CCDC171: variants seen among roughly 807,000 people sequenced by gnomAD.
CCDC171 encodes the protein coiled-coil domain containing 171.
A neutral mutation model predicts 168.2 loss-of-function variants in CCDC171; 177 were observed. That is an observed-to-expected ratio of 1.05 (90% CI 0.93 to 1.19). The LOEUF is 1.19. Ranked by LOEUF, CCDC171 falls within the 50% of genes most tolerant of loss-of-function variation. CCDC171 has a pLI of 0.00. For missense variants in CCDC171, 1,991 were observed against 1,539.0 expected (o/e 1.29, Z -4.91); for synonymous variants, 687 against 540.8 (o/e 1.27, Z -3.75).
chr9:15,756,722 CTG>C (rs2056141161), intron 18 of CCDC171, among the ~76,000 whole-genome samples: 1 of 152,246 alleles, frequency 6.6e-6, no homozygotes, highest in Non-Finnish European at 1.5e-5. Context: ...TCATCCTGAA[CTG>C]TACTCCCATA....
In CCDC171 at chr9:15,673,153, G is replaced by A. The variant is rs2049250155; in HGVS notation, c.1077-5605G>A. Among the ~76,000 whole-genome samples the A allele has an allele frequency of 2.6e-5, 4 of 152,046 alleles. No individual in the cohort carries two copies. In the South Asian group the frequency reaches 8.3e-4, roughly 32 times the overall value. On this transcript the variant is annotated intron_variant, in intron 9 of 25. Transcript: ENST00000380701. ...GAGTTCACTCATGAATTGGCTGTCT[G>A]TCTGTTATTGGTGTATAAGAATGCT...
the CCDC171 span, among the ~76,000 whole-genome samples, chr9:16,088,658 C>T: frequency 5.9e-5 from 9 of 151,984 alleles, no homozygotes; most frequent in Non-Finnish European, 8.8e-5. Flanking sequence ...TGACAAGGGA[C>T]GTGAAGGACT....
chr9:15,586,245 C>G (rs1159573078), intron 4 of CCDC171, among the ~76,000 whole-genome samples: 1 of 152,094 alleles, frequency 6.6e-6, no homozygotes, highest in African/African-American at 2.4e-5. Flanking sequence ...TGTTAACAAT[C>G]CTAGAGTCCA....
intron 3 of CCDC171, among the ~76,000 whole-genome samples, chr9:16,017,448 A>T (rs1332152845): frequency 6.6e-6 from 1 of 152,148 alleles, no homozygotes; most frequent in African/African-American, 2.4e-5. Flanking sequence ...TTTAATTATT[A>T]TAAATAATAC....
chr9:15,861,230 A>G (rs1481201674), intron 23 of CCDC171, among the ~76,000 whole-genome samples: 2 of 130,860 alleles, frequency 1.5e-5, no homozygotes, highest in Non-Finnish European at 3.4e-5. Flanking sequence ...TTTTTTTTTA[A>G]ATCCGTTCAG....
chr9:15,770,236 C>A (rs1321643324), intron 18 of CCDC171, among the ~76,000 whole-genome samples: 1 of 152,010 alleles, frequency 6.6e-6, no homozygotes, highest in Non-Finnish European at 1.5e-5. Context: ...TGAAGACCAC[C>A]CAAAAAGTTC....
intron 3 of CCDC171, among the ~76,000 whole-genome samples, chr9:15,979,383 A>G (rs1050630473): frequency 5.9e-5 from 9 of 152,178 alleles, no homozygotes; most frequent in Non-Finnish European, 1.3e-4. Flanking sequence ...AGGGAAAAGC[A>G]TTAAGTCTTA....
chr9:15,648,651 G>C (rs1024670816), intron 7 of CCDC171, among the ~76,000 whole-genome samples: 60 of 152,278 alleles, frequency 3.9e-4, no homozygotes, highest in Admixed American at 6.5e-4. Flanking sequence ...ATTCACAGTT[G>C]CTACAAATAG....
At chr9:16,003,876 T>C (rs977486518) in intron 3 of CCDC171, among the ~76,000 whole-genome samples, 2 of 152,202 alleles carry the variant, frequency 1.3e-5, no homozygotes, top group African/African-American at 4.8e-5. Context: ...AAATGTTTGC[T>C]GTGGAGCCAG....
chr9:16,029,128 G>C (rs1328277), intron 6 of CCDC171, among the ~76,000 whole-genome samples: 56,290 of 151,986 alleles, frequency 0.37, 12,266 homozygotes, highest in East Asian at 0.63. Flanking sequence ...GGAATAGGAA[G>C]TAGTGAGGGC....
intron 1 of CCDC171, among the ~76,000 whole-genome samples, chr9:16,059,747 C>CACCCACCCGGG (rs1833903374): frequency 6.6e-6 from 1 of 150,942 alleles, no homozygotes; most frequent in Non-Finnish European, 1.5e-5. Flanking sequence ...ATCGCCTGAC[C>CACCCACCCGGG]TCATGATCCA....
chr9:15,992,490 C>T (rs534497693), intron 3 of CCDC171, among the ~76,000 whole-genome samples: 3 of 152,288 alleles, frequency 2.0e-5, no homozygotes, highest in South Asian at 4.2e-4. Context: ...CAATATCATA[C>T]TGAATGGGCA....
intron 11 of CCDC171, among the ~76,000 whole-genome samples, chr9:15,699,892 C>T (rs2051562910): frequency 6.6e-6 from 1 of 152,190 alleles, no homozygotes; most frequent in South Asian, 2.1e-4. Flanking sequence ...GAGCTAGATA[C>T]AGAGTGCCGA....
intron 4 of CCDC171, among the ~76,000 whole-genome samples, chr9:15,590,125 A>C (rs2041873721): frequency 2.0e-5 from 3 of 152,238 alleles, no homozygotes; most frequent in Admixed American, 1.3e-4. Flanking sequence ...ATCAGGAGTC[A>C]AAATGGCCTC....
At chr9:15,654,926 G>T (rs2047808008) in intron 7 of CCDC171, among the ~76,000 whole-genome samples, 1 of 152,032 alleles carries the variant, frequency 6.6e-6, no homozygotes, top group African/African-American at 2.4e-5. Flanking sequence ...GCAAACTATT[G>T]CAAGGACAAA....
intron 7 of CCDC171, among the ~76,000 whole-genome samples, chr9:15,633,096 C>G (rs917570387): frequency 1.3e-5 from 2 of 152,170 alleles, no homozygotes; most frequent in African/African-American, 4.8e-5. Context: ...CATTAGCATT[C>G]AGGACATAGG....
the CCDC171 span, among the ~76,000 whole-genome samples, chr9:16,103,846 G>A: frequency 2.0e-4 from 31 of 152,328 alleles, no homozygotes; most frequent in African/African-American, 7.5e-4. Context: ...GGGGGCTGGG[G>A]GAGAGTCAGA....
intron 16 of CCDC171, among the ~76,000 whole-genome samples, chr9:15,730,004 G>A (rs1564300458): frequency 1.3e-5 from 2 of 151,980 alleles, no homozygotes; most frequent in African/African-American, 4.8e-5. Flanking sequence ...TTTCATGTAA[G>A]TTTGGAAATA....
At chr9:15,953,352 C>T (rs1307719304) in intron 25 of CCDC171, among the ~76,000 whole-genome samples, 2 of 152,050 alleles carry the variant, frequency 1.3e-5, no homozygotes, top group African/African-American at 4.8e-5. Context: ...GGGTGATTTC[C>T]TTCTATTCCT....
Sources: allele counts gnomAD v4.1 joint callset (sites outside exome capture counted in the v4.1 genomes callset), GRCh38; gene constraint gnomAD v4.1.1; transcripts MANE v1.5; gene names NCBI Gene and HGNC (gene_info 2026-07-23, HGNC 2026-07-21).